The following SH3D21 variants were observed in gnomAD, a reference collection of about 807,000 sequenced individuals.
The protein encoded by SH3D21 is manchette microtubule inner protein 1, also known as SH3 domain-containing protein 21.
Under a neutral mutation model 82.1 loss-of-function variants are expected in SH3D21, and 83 were observed. The observed-to-expected ratio is 1.01, with a 90% CI of 0.85 to 1.21. SH3D21 has a LOEUF of 1.21. Ranked by LOEUF, SH3D21 falls within the 50% of genes most tolerant of loss-of-function variation. SH3D21 has a pLI of 0.00. For missense variants in SH3D21, 980 were observed against 962.1 expected, an observed-to-expected ratio of 1.02 and a Z score of -0.25; for synonymous variants, 383 against 387.8, an observed-to-expected ratio of 0.99 and a Z score of 0.15.
chr1:36,307,011 G>A lies in SH3D21; in HGVS notation c.226+106G>A. The A allele has an allele frequency of 1.4e-6, 2 of 1,417,002 alleles. No homozygotes were observed. Among genetic ancestry groups the A allele is most frequent in the Non-Finnish European group, 1.9e-6 (2 of 1,080,770 alleles). 87.8% of individuals were successfully genotyped at this position (1,417,002 alleles called of 1,614,324 possible). A position where few individuals can be genotyped will look rare whatever the true frequency, so the allele number is the denominator to read the frequency against. ...CGGGCGCGGCTCTGGGCGGGACCTC[G>A]GGGCCGCCCTGCGGTCTGTGATTGG... On this transcript the variant is annotated intron_variant, in intron 3 of 15. Transcript: ENST00000453908. This position sits in a 1 kb window ranked among gnomAD's most constrained non-coding sequence, Gnocchi z 5.4.
rs1229123764 is a variant in SH3D21 at position 36,309,564 on chromosome 1, C to T, written c.743C>T (p.Pro248Leu). The T allele has an allele frequency of 6.4e-7, 1 of 1,551,512 alleles. No individual in the cohort carries two copies. The highest frequency in any genetic ancestry group is 8.7e-7 in the Non-Finnish European group (1 of 1,146,964). ...LPPPPIKKLV[P>L]RKVVSRESAP... ...TCGGCATAGATCAAGAAGCTGGTCC[C>T]ACGGAAAGTGGTATCTCGGGAATCA... The change falls in exon 10 of 16, where the codon CCA (proline) becomes CTA (leucine). Residue 248 changes from proline (P) to leucine (L), a missense_variant. Transcript: ENST00000453908.
At chr1:36,321,933 A>C, downstream of SH3D21, 1 of 1,081,790 alleles carries the variant, frequency 9.2e-7, no homozygotes, top group Non-Finnish European at 1.1e-6. This position sits in a 1 kb window ranked among gnomAD's most constrained non-coding sequence, Gnocchi z 6.1. Flanking sequence ...TGGTGCAGCT[A>C]GGGTAAGGGA....
chr1:36,321,006 G>T lies in SH3D21; in HGVS notation c.2199+28G>T. 1 of 1,576,746 alleles carries T rather than the reference G, an allele frequency of 6.3e-7. No homozygotes were observed. Among genetic ancestry groups the T allele is most frequent in the Non-Finnish European group, 8.6e-7 (1 of 1,162,008 alleles). On this transcript the variant is annotated intron_variant, in intron 15 of 15. Transcript: ENST00000453908. This position sits in a 1 kb window ranked among gnomAD's most constrained non-coding sequence, Gnocchi z 6.1. ...GAGGCGCGGGTCCCGGCGGGAGGGGGCTGACGGCGAGTGGCCCCCTGACAA... is the reference window on the plus strand; with the variant it reads ...GAGGCGCGGGTCCCGGCGGGAGGGGTCTGACGGCGAGTGGCCCCCTGACAA...
chr1:36,308,560 C>A, intron 9 of SH3D21, 85 bp downstream of exon 9: 1 of 1,114,016 alleles, frequency 9.0e-7, no homozygotes, highest in South Asian at 1.4e-5. Context: ...CCGGACCTAG[C>A]TGGAGGGTCA....
rs761825083 is a variant in SH3D21 at position 36,320,607 on chromosome 1, C to T, written c.1944C>T (p.Pro648=). 1 of 1,614,240 alleles carries T rather than the reference C, an allele frequency of 6.2e-7. No individual in the cohort carries two copies. The highest frequency in any genetic ancestry group is 1.7e-5 in the Admixed American group (1 of 60,034). ...EEVAPKEEVP[P]IERAFAQKTR... ...TGGCTCCAAAAGAGGAGGTGCCCCC[C>T]ATAGAAAGAGCCTTTGCCCAAAAAA... The change falls in exon 14 of 16, where the codon CCC becomes CCT. Residue 648 remains proline (P), a synonymous_variant. Transcript: ENST00000453908.
At position 36,321,326 on chromosome 1, in the gene SH3D21, C is replaced by T. The variant is rs1368388165; in HGVS notation, c.*199C>T. 2.8e-6 allele frequency: 4 copies of T among 1,429,868 alleles called. No individual in the cohort carries two copies. Among genetic ancestry groups the T allele is most frequent in the South Asian group, 1.5e-5 (1 of 66,936 alleles). The allele number at this position is 1,429,868 out of a possible 1,614,324, so 88.6% of individuals were successfully genotyped here. On this transcript the variant is annotated 3_prime_UTR_variant, in exon 16 of 16. Coordinates refer to ENST00000453908, the MANE Select transcript of SH3D21 (RefSeq NM_001162530.2). The surrounding 1 kb of genome is among the most constrained non-coding windows in gnomAD (Gnocchi z 6.1). ...GTCCCTCCCAGGCACATCTGGCCAA[C>T]ATGTGGCTCCCATTACCGTTCCCAA...
intron 10 of SH3D21, among the ~76,000 whole-genome samples, chr1:36,310,905 T>G (rs931449921): frequency 9.9e-5 from 15 of 152,112 alleles, no homozygotes; most frequent in Admixed American, 6.6e-4. Context: ...TTTTTTGGTT[T>G]GTTTGTTTTT....
downstream of SH3D21, chr1:36,323,583 G>C (rs1646506141): frequency 6.6e-6 from 1 of 152,180 alleles, no homozygotes; most frequent in Non-Finnish European, 1.5e-5. Flanking sequence ...CCCAGGCCGC[G>C]GCAGCACGGG....
chr1:36,307,652 AC>A lies in SH3D21; in HGVS notation c.436+48del. 6.5e-7 allele frequency: 1 copy of A among 1,545,636 alleles called. No individual in the cohort carries two copies. The highest frequency in any genetic ancestry group is 1.2e-5 in the South Asian group (1 of 83,606). ...ACCCTGTGACTCGCAATCTCCAATGACCCTCCCAGTGGCATGAGCCTGTGAT... is the reference window on the plus strand; with the variant it reads ...ACCCTGTGACTCGCAATCTCCAATGACCTCCCAGTGGCATGAGCCTGTGAT... On this transcript the variant is annotated intron_variant, in intron 5 of 15. Coordinates refer to ENST00000453908, the MANE Select transcript of SH3D21 (RefSeq NM_001162530.2). The surrounding 1 kb of genome is among the most constrained non-coding windows in gnomAD (Gnocchi z 5.4).
Position 36,321,340 on chromosome 1 carries a change from T to G in SH3D21, c.*213T>G. The G allele has an allele frequency of 7.1e-7, 1 of 1,409,880 alleles. No individual in the cohort carries two copies. Among genetic ancestry groups the G allele is most frequent in the East Asian group, 2.6e-5 (1 of 37,954 alleles). The allele number at this position is 1,409,880 out of a possible 1,614,324, so 87.3% of individuals were successfully genotyped here. A position where few individuals can be genotyped will look rare whatever the true frequency, so the allele number is the denominator to read the frequency against. ...CATCTGGCCAACATGTGGCTCCCAT[T>G]ACCGTTCCCAAGGCCTGCGCGCGGC... On this transcript the variant is annotated 3_prime_UTR_variant, in exon 16 of 16. Coordinates refer to ENST00000453908, the MANE Select transcript of SH3D21 (RefSeq NM_001162530.2). The surrounding 1 kb of genome is among the most constrained non-coding windows in gnomAD (Gnocchi z 6.1).
chr1:36,321,775 G>C, downstream of SH3D21: 1 of 1,002,022 alleles, frequency 1.0e-6, no homozygotes, highest in Non-Finnish European at 1.2e-6. The surrounding 1 kb of genome is among the most constrained non-coding windows in gnomAD (Gnocchi z 6.1). Context: ...CCAGGCGTTT[G>C]CCGGTAAGGA....
chr1:36,314,034 G>A (rs571426298), intron 10 of SH3D21, among the ~76,000 whole-genome samples: 2 of 109,942 alleles, frequency 1.8e-5, no homozygotes, highest in Non-Finnish European at 3.5e-5. Context: ...GAGTGCAGTG[G>A]TGCGATCTTG....
chr1:36,307,137 T>G lies in SH3D21; in HGVS notation c.227-30T>G, dbSNP rs975494905. Reference sequence around the variant, plus strand: ...AGCTCCTCTGACTGGGGCGTCCGACTGGAGCTCAGCCGCGCTTGTCCGGTG... The same window carrying G: ...AGCTCCTCTGACTGGGGCGTCCGACGGGAGCTCAGCCGCGCTTGTCCGGTG... On this transcript the variant is annotated intron_variant, in intron 3 of 15. Coordinates refer to ENST00000453908, the MANE Select transcript of SH3D21 (RefSeq NM_001162530.2). This position sits in a 1 kb window ranked among gnomAD's most constrained non-coding sequence, Gnocchi z 5.4. 6 of 1,550,770 alleles carry G rather than the reference T, an allele frequency of 3.9e-6. No individual in the cohort carries two copies. Among genetic ancestry groups the G allele is most frequent in the Non-Finnish European group, 5.2e-6 (6 of 1,146,652 alleles).
At position 36,318,898 on chromosome 1, in the gene SH3D21, A is replaced by AAATAATAATAAT. The variant is rs58567392; in HGVS notation, c.770-141_770-130dup. Among the ~76,000 whole-genome samples the AAATAATAATAAT allele has an allele frequency of 5.1e-3, 710 of 140,402 alleles. 2 individuals carry two copies. Among genetic ancestry groups the AAATAATAATAAT allele is most frequent in the African/African-American group, 0.013 (485 of 37,592 alleles). The allele number at this position is 140,402 out of a possible 152,430, so 92.1% of individuals were successfully genotyped here. A position where few individuals can be genotyped will look rare whatever the true frequency, so the allele number is the denominator to read the frequency against. On this transcript the variant is annotated intron_variant, in intron 10 of 15. Transcript: ENST00000453908. The stretch of plus-strand genomic sequence containing the variant: ...GGCGACAGAAGCAAGACTCCATCTC[A>AAATAATAATAAT]AATAATAATAATAATAATAATAATA...
At chr1:36,315,436 G>A (rs1156646905) in intron 10 of SH3D21, among the ~76,000 whole-genome samples, 1 of 151,908 alleles carries the variant, frequency 6.6e-6, no homozygotes, top group African/African-American at 2.4e-5. Flanking sequence ...TGCAACCCCT[G>A]CCTCCTGGGT....
Position 36,321,241 on chromosome 1 carries a change from T to C in SH3D21, c.*114T>C, listed in dbSNP as rs1408465109. ...TCTGCCTAGCACGGCGCCACGCCGG[T>C]CTGGTCGCTGGGGGCGGGGCCTGCG... On this transcript the variant is annotated 3_prime_UTR_variant, in exon 16 of 16. Coordinates refer to ENST00000453908, the MANE Select transcript of SH3D21 (RefSeq NM_001162530.2). This position sits in a 1 kb window ranked among gnomAD's most constrained non-coding sequence, Gnocchi z 6.1. 3.4e-6 allele frequency: 5 copies of C among 1,482,514 alleles called. No homozygotes were observed. The highest frequency in any genetic ancestry group is 1.3e-5 in the South Asian group (1 of 74,256). The allele number at this position is 1,482,514 out of a possible 1,614,324, so 91.8% of individuals were successfully genotyped here. A position where few individuals can be genotyped will look rare whatever the true frequency, so the allele number is the denominator to read the frequency against.
downstream of SH3D21, chr1:36,323,060 C>T (rs756195604): frequency 6.3e-7 from 1 of 1,595,458 alleles, no homozygotes; most frequent in Admixed American, 1.8e-5. Context: ...GGCAGCTCCC[C>T]TACCAGCCTG....
chr1:36,307,145 A>G lies in SH3D21; in HGVS notation c.227-22A>G, dbSNP rs1246739834. 5.0e-5 allele frequency: 77 copies of G among 1,551,138 alleles called. No homozygotes were observed. Among genetic ancestry groups the G allele is most frequent in the East Asian group, 2.7e-4 (11 of 40,908 alleles). On this transcript the variant is annotated intron_variant, in intron 3 of 15. Coordinates refer to ENST00000453908, the MANE Select transcript of SH3D21 (RefSeq NM_001162530.2). The surrounding 1 kb of genome is among the most constrained non-coding windows in gnomAD (Gnocchi z 5.4). ...TGACTGGGGCGTCCGACTGGAGCTCAGCCGCGCTTGTCCGGTGCTAGGTCA... is the reference window on the plus strand; with the variant it reads ...TGACTGGGGCGTCCGACTGGAGCTCGGCCGCGCTTGTCCGGTGCTAGGTCA...
chr1:36,330,142 G>T (rs566205715), downstream of SH3D21, among the ~76,000 whole-genome samples: 19 of 152,224 alleles, frequency 1.2e-4, no homozygotes, highest in African/African-American at 4.3e-4. Context: ...CCAGTTCCTC[G>T]CCCTGTAAAG....
Sources: gnomAD v4.1 joint callset for allele counts (sites outside exome capture counted in the v4.1 genomes callset) on GRCh38, gnomAD v4.1.1 for gene constraint, Gnocchi (gnomAD v3.1) non-coding constraint, MANE v1.5 for transcripts, NCBI Gene and HGNC (gene_info 2026-07-23, HGNC 2026-07-21) for gene names.